ZYG11B: variants seen among roughly 807,000 people sequenced by gnomAD.
The protein encoded by ZYG11B is protein zyg-11 homolog B.
Under a neutral mutation model 82.4 loss-of-function variants are expected in ZYG11B, and 36 were observed. The observed-to-expected ratio is 0.44, with a 90% CI of 0.33 to 0.58. ZYG11B has a LOEUF of 0.58. Ranked by LOEUF, ZYG11B falls within the 20% of genes least tolerant of loss-of-function variation. The pLI is 0.02. For synonymous variants in ZYG11B, 303 were observed against 312.8 expected (o/e 0.97, Z 0.33); for missense variants, 552 against 895.6 (o/e 0.62, Z 4.90).
chr1:52,750,152 C>G (rs1033009064), intron 1 of ZYG11B, among the ~76,000 whole-genome samples: 41 of 152,252 alleles, frequency 2.7e-4, no homozygotes, highest in African/African-American at 9.1e-4. Context: ...GGCAGTAGAG[C>G]AGTGGCACAA....
chr1:52,761,798 C>G (rs987565456), intron 2 of ZYG11B, among the ~76,000 whole-genome samples: 1 of 152,118 alleles, frequency 6.6e-6, no homozygotes, highest in Admixed American at 6.6e-5. Flanking sequence ...ACATTCCCAC[C>G]AACAATGTAT....
chr1:52,827,054 A>G lies in ZYG11B; in HGVS notation c.*5425A>G, dbSNP rs1645330927. 1 of 152,210 alleles carries G rather than the reference A, an allele frequency of 6.6e-6. No homozygotes were observed. The highest frequency in any genetic ancestry group is 1.5e-5 in the Non-Finnish European group (1 of 68,036). 9.4% of individuals were successfully genotyped at this position (152,210 alleles called of 1,614,324 possible). On this transcript the variant is annotated 3_prime_UTR_variant, in exon 14 of 14. Transcript: ENST00000294353. ...GTAGAATTCCCACTGTCAAATTCTCACTGACTTATGAGTGTGAGAGAAGTT... is the reference window on the plus strand; with the variant it reads ...GTAGAATTCCCACTGTCAAATTCTCGCTGACTTATGAGTGTGAGAGAAGTT...
chr1:52,797,434 TAA>T (rs1417643765), intron 8 of ZYG11B, among the ~76,000 whole-genome samples: 17 of 94,434 alleles, frequency 1.8e-4, no homozygotes, highest in East Asian at 3.1e-4. Flanking sequence ...ATATTATATA[TAA>T]CATATATATT....
intron 6 of ZYG11B, among the ~76,000 whole-genome samples, chr1:52,793,887 C>CCTTCCTTCCTTA (rs531699442): frequency 0.29 from 41,400 of 144,738 alleles, 6,380 homozygotes; most frequent in East Asian, 0.4. Context: ...TTCCTTCCTT[C>CCTTCCTTCCTTA]CTTCCTTCCT....
intron 13 of ZYG11B, among the ~76,000 whole-genome samples, chr1:52,818,365 A>C (rs1645252971): frequency 6.6e-6 from 1 of 151,920 alleles, no homozygotes; most frequent in African/African-American, 2.4e-5. Flanking sequence ...AGTCCCAGCT[A>C]CTTGGGAGGC....
At chr1:52,797,421 T>TATATTATATATA (rs1558137802) in intron 8 of ZYG11B, among the ~76,000 whole-genome samples, 1 of 102,724 alleles carries the variant, frequency 9.7e-6, no homozygotes, top group African/African-American at 4.2e-5. Context: ...TCATATATTA[T>TATATTATATATA]ACATATTATA....
chr1:52,788,668 T>C (rs190713256), intron 5 of ZYG11B, among the ~76,000 whole-genome samples: 1 of 152,266 alleles, frequency 6.6e-6, no homozygotes, highest in African/African-American at 2.4e-5. Flanking sequence ...AGTTTGAGGC[T>C]GCAGTGAGCT....
intron 4 of ZYG11B, among the ~76,000 whole-genome samples, chr1:52,780,874 G>A (rs936009308): frequency 3.3e-5 from 5 of 152,178 alleles, no homozygotes; most frequent in African/African-American, 7.2e-5. Context: ...GGGCCAGGAC[G>A]CAGTGGCTCA....
At chr1:52,735,778 T>C (rs1163398343) in intron 1 of ZYG11B, among the ~76,000 whole-genome samples, 1 of 152,170 alleles carries the variant, frequency 6.6e-6, no homozygotes, top group Admixed American at 6.5e-5. Context: ...CCTCAAGTGA[T>C]CTGCCTGCCT....
chr1:52,816,596 G>C lies in ZYG11B; in HGVS notation c.2011G>C (p.Val671Leu). 6.2e-7 allele frequency: 1 copy of C among 1,612,344 alleles called. No individual in the cohort carries two copies. Among genetic ancestry groups the C allele is most frequent in the Non-Finnish European group, 8.5e-7 (1 of 1,179,584 alleles). The change falls in exon 13 of 14, where the codon GTT becomes CTT. Residue 671 changes from valine (V) to leucine (L), a missense_variant. Coordinates refer to ENST00000294353, the MANE Select transcript of ZYG11B (RefSeq NM_024646.3). ...FTTPGVQLWA[V>L]WAMQHVCSKN... ...AACACCAGGAGTTCAGCTATGGGCA[G>C]TTTGGGCCATGCAACATGTCTGCAG...
intron 1 of ZYG11B, among the ~76,000 whole-genome samples, chr1:52,745,617 T>C (rs28589848): frequency 0.02 from 3,020 of 152,230 alleles, 102 homozygotes; most frequent in African/African-American, 0.068. Flanking sequence ...CAGGCTGGAG[T>C]GCAGTGGCGC....
chr1:52,770,310 C>G (rs72893485), intron 2 of ZYG11B, among the ~76,000 whole-genome samples: 225 of 151,852 alleles, frequency 1.5e-3, no homozygotes, highest in African/African-American at 5.0e-3. Flanking sequence ...AGGCCTAGAT[C>G]GCTTTAATAA....
At chr1:52,819,365 C>G (rs1336904961) in intron 13 of ZYG11B, among the ~76,000 whole-genome samples, 1 of 152,166 alleles carries the variant, frequency 6.6e-6, no homozygotes, top group Non-Finnish European at 1.5e-5. Context: ...GTTCTGAGGA[C>G]TCCCAAATTT....
At position 52,755,945 on chromosome 1, in the gene ZYG11B, G is replaced by A. The variant is rs143962050; in HGVS notation, c.31-513G>A. Among the ~76,000 whole-genome samples, 308 of 151,770 alleles carry A rather than the reference G, an allele frequency of 2.0e-3. 8 individuals carry two copies. In the East Asian group the frequency reaches 0.057, roughly 28 times the overall value. ...CTCCTGAGTAGCTGGAACTACAGGCGTCCACCACCATGCCTAGCTAATTTT... is the reference window on the plus strand; with the variant it reads ...CTCCTGAGTAGCTGGAACTACAGGCATCCACCACCATGCCTAGCTAATTTT... On this transcript the variant is annotated intron_variant, in intron 1 of 13. Transcript: ENST00000294353.
chr1:52,794,493 T>C (rs1449862402), intron 6 of ZYG11B, among the ~76,000 whole-genome samples: 1 of 152,202 alleles, frequency 6.6e-6, no homozygotes. Context: ...TATTTATGTT[T>C]CGATCACTGT....
At chr1:52,774,360 T>A (rs1343477796) in intron 3 of ZYG11B, among the ~76,000 whole-genome samples, 2 of 146,316 alleles carry the variant, frequency 1.4e-5, no homozygotes, top group African/African-American at 5.1e-5. Context: ...CAGGCTGGAG[T>A]GCAATGGCGT....
chr1:52,765,758 C>T (rs952308897), intron 2 of ZYG11B, among the ~76,000 whole-genome samples: 11 of 152,080 alleles, frequency 7.2e-5, no homozygotes, highest in Non-Finnish European at 1.5e-4. Context: ...TTGTCTCATC[C>T]TCCCAAAGTA....
rs1231849486 is a variant in ZYG11B, at chr1:52,826,354, T to C, written c.*4725T>C. 1 of 152,222 alleles carries C rather than the reference T, an allele frequency of 6.6e-6. No homozygotes were observed. Among genetic ancestry groups the C allele is most frequent in the Non-Finnish European group, 1.5e-5 (1 of 68,022 alleles). The allele number at this position is 152,222 out of a possible 1,614,324, so 9.4% of individuals were successfully genotyped here. A position where few individuals can be genotyped will look rare whatever the true frequency, so the allele number is the denominator to read the frequency against. ...GTTTAGTCCTTATCATTTGCTGTGTTTTGACAGTTTTTAATTTGCAGTATT... is the reference window on the plus strand; with the variant it reads ...GTTTAGTCCTTATCATTTGCTGTGTCTTGACAGTTTTTAATTTGCAGTATT... On this transcript the variant is annotated 3_prime_UTR_variant, in exon 14 of 14. Transcript: ENST00000294353.
intron 6 of ZYG11B, among the ~76,000 whole-genome samples, chr1:52,790,995 A>G (rs1055485025): frequency 1.3e-5 from 2 of 151,592 alleles, no homozygotes; most frequent in Non-Finnish European, 2.9e-5. Flanking sequence ...TTTTTGAGAA[A>G]GGGTCTCACT....
Sources: allele counts gnomAD v4.1 joint callset (sites outside exome capture counted in the v4.1 genomes callset), GRCh38; gene constraint gnomAD v4.1.1; transcripts MANE v1.5; gene names NCBI Gene and HGNC (gene_info 2026-07-23, HGNC 2026-07-21).